The following HNF1B variants were observed in gnomAD, a reference collection of about 807,000 sequenced individuals.
The protein encoded by HNF1B is HNF1 homeobox B.
Under a neutral mutation model 61.7 loss-of-function variants are expected in HNF1B, and 8 were observed. That is an observed-to-expected ratio of 0.13 (90% CI 0.08 to 0.23). The LOEUF (loss-of-function observed/expected upper bound fraction) is 0.23, where lower values mean the gene tolerates loss of function less well. Ranked by LOEUF, HNF1B falls within the 10% of genes least tolerant of loss-of-function variation. HNF1B has a pLI of 1.00. For synonymous variants in HNF1B, 314 were observed against 287.7 expected (o/e 1.09, Z -0.93); for missense variants, 562 against 714.5 (o/e 0.79, Z 2.43).
At chr17:37,722,159 C>T (rs2033338678) in intron 4 of HNF1B, among the ~76,000 whole-genome samples, 1 of 152,152 alleles carries the variant, frequency 6.6e-6, no homozygotes, top group Non-Finnish European at 1.5e-5. Flanking sequence ...TTTCAAATGA[C>T]AAGCAGGGTT....
In HNF1B at chr17:37,721,583, AG is replaced by A. The variant is rs530936904; in HGVS notation, c.1045+10011del. On this transcript the variant is annotated intron_variant, in intron 4 of 8. Transcript: ENST00000617811. ...CTCTGATCTCCTGAATCCTAGTCCAAGGCCCCTCACCCCGGCTGCTTCTCTT... is the reference window on the plus strand; with the variant it reads ...CTCTGATCTCCTGAATCCTAGTCCAAGCCCCTCACCCCGGCTGCTTCTCTT... Among the ~76,000 whole-genome samples, 33 of 152,214 alleles carry A rather than the reference AG, an allele frequency of 2.2e-4. No individual in the cohort carries two copies. The South Asian group carries it at 6.0e-3, about 28-fold the overall frequency.
rs767974372 is a variant in HNF1B at position 37,710,614 on chromosome 17, T to C, written c.1095A>G (p.Thr365=). 6 of 1,614,122 alleles carry C rather than the reference T, an allele frequency of 3.7e-6. No homozygotes were observed. In the Admixed American group the frequency reaches 6.7e-5, roughly 18 times the overall value. Residue 365 remains threonine, a synonymous_variant, in exon 5 of 9, where the codon ACA becomes ACG. Transcript: ENST00000617811. ...TGGCGCTGTTGCCATGGTGACTGAT[T>C]GTTGAGGAGGAAGTGATCTCATTGT... ...QGNNEITSSS[T]ISHHGNSAMV... is the part of the protein sequence containing the mutation.
intron 8 of HNF1B, among the ~76,000 whole-genome samples, chr17:37,688,062 C>G (rs903313462): frequency 2.0e-5 from 3 of 152,174 alleles, no homozygotes; most frequent in Non-Finnish European, 4.4e-5. Flanking sequence ...CTTACTTTAG[C>G]ATAAGAAACT....
chr17:37,734,966 T>G (rs2033792690), intron 2 of HNF1B, among the ~76,000 whole-genome samples: 1 of 151,936 alleles, frequency 6.6e-6, no homozygotes, highest in Non-Finnish European at 1.5e-5. Flanking sequence ...TTTTTTGTAT[T>G]TTTAGTAGAG....
chr17:37,695,260 G>A (rs540352370), intron 8 of HNF1B, among the ~76,000 whole-genome samples: 1 of 152,354 alleles, frequency 6.6e-6, no homozygotes, highest in South Asian at 2.1e-4. Flanking sequence ...ACTCTAGAGG[G>A]TGCAGTCTGT....
intron 4 of HNF1B, among the ~76,000 whole-genome samples, chr17:37,724,428 G>A (rs74715846): frequency 0.035 from 5,302 of 152,150 alleles, 135 homozygotes; most frequent in Non-Finnish European, 0.054. Flanking sequence ...ATACTCCCTC[G>A]GGTGATTCTA....
chr17:37,697,492 AG>A (rs1425567340), intron 8 of HNF1B, among the ~76,000 whole-genome samples: 1 of 152,222 alleles, frequency 6.6e-6, no homozygotes, highest in African/African-American at 2.4e-5. Flanking sequence ...TCCTGAATTC[AG>A]ACGACTTGTT....
chr17:37,742,325 C>A (rs1186980549), intron 1 of HNF1B, among the ~76,000 whole-genome samples: 6 of 152,164 alleles, frequency 3.9e-5, no homozygotes, highest in Admixed American at 6.5e-5. Context: ...AGCCGGGGAC[C>A]GGGAAGCGCG....
intron 4 of HNF1B, among the ~76,000 whole-genome samples, chr17:37,723,091 G>A (rs1176179476): frequency 1.3e-5 from 2 of 152,088 alleles, no homozygotes; most frequent in East Asian, 1.9e-4. Context: ...TGTAATCCCA[G>A]CACTTTGGGA....
chr17:37,744,310 G>C (rs1286940220), intron 1 of HNF1B, among the ~76,000 whole-genome samples: 1 of 152,238 alleles, frequency 6.6e-6, no homozygotes, highest in Non-Finnish European at 1.5e-5. Context: ...AAAGCCCTTG[G>C]GTCTCGGACG....
chr17:37,735,982 C>G lies in HNF1B; in HGVS notation c.545-2161G>C, dbSNP rs138536107. On this transcript the variant is annotated intron_variant, in intron 2 of 8. Transcript: ENST00000617811. Reference sequence around the variant, plus strand: ...GTCTCGCTATGTTGCCCAAGCTGGTCTCAGACTCCTGGCCTCAAGCAGTCT... The same window carrying G: ...GTCTCGCTATGTTGCCCAAGCTGGTGTCAGACTCCTGGCCTCAAGCAGTCT... Among the ~76,000 whole-genome samples, 425 of 152,320 alleles carry G rather than the reference C, an allele frequency of 2.8e-3. 2 individuals are homozygous for G. Among genetic ancestry groups the G allele is most frequent in the African/African-American group, 9.4e-3 (389 of 41,566 alleles).
At position 37,744,508 on chromosome 17, in the gene HNF1B, G is replaced by A. The variant is rs748821585; in HGVS notation, c.344+33C>T. The A allele has an allele frequency of 5.0e-6, 8 of 1,593,152 alleles. No individual in the cohort carries two copies. In the Admixed American group the frequency reaches 6.7e-5, roughly 13 times the overall value. ...CCCGGGGCCGGGGCTCCAGGGGTTC[G>A]GGTGGGTCCCCTCCACCTCGCTCTG... On this transcript the variant is annotated intron_variant, in intron 1 of 8. Coordinates refer to ENST00000617811, the MANE Select transcript of HNF1B (RefSeq NM_000458.4).
rs780224831 is a variant in HNF1B at position 37,710,578 on chromosome 17, G to T, written c.1131C>A (p.Ser377Arg). Residue 377 changes from serine (S) to arginine (R), a missense_variant, in exon 5 of 9, where the codon AGC becomes AGA. Transcript: ENST00000617811. The stretch of plus-strand genomic sequence containing the variant: ...GGGAGACTTGCTGTAAAACCGACTG[G>T]CTGGTCACCATGGCGCTGTTGCCAT... ...SHHGNSAMVT[S>R]QSVLQQVSPA... 4 of 1,614,186 alleles carry T rather than the reference G, an allele frequency of 2.5e-6. No homozygotes were observed. The highest frequency in any genetic ancestry group is 3.4e-6 in the Non-Finnish European group (4 of 1,180,040).
At chr17:37,717,839 TTAA>T (rs1191788038) in intron 4 of HNF1B, among the ~76,000 whole-genome samples, 2 of 152,236 alleles carry the variant, frequency 1.3e-5, no homozygotes, top group Non-Finnish European at 2.9e-5. Context: ...CTAGTTCTTA[TTAA>T]TATTTCCTCC....
chr17:37,736,735 G>T (rs527609896), intron 2 of HNF1B, among the ~76,000 whole-genome samples: 1 of 152,316 alleles, frequency 6.6e-6, no homozygotes, highest in African/African-American at 2.4e-5. Flanking sequence ...TCTCTCACCT[G>T]CCCTTTGAGG....
At chr17:37,715,123 C>T (rs1386850321) in intron 4 of HNF1B, among the ~76,000 whole-genome samples, 1 of 152,210 alleles carries the variant, frequency 6.6e-6, no homozygotes, top group South Asian at 2.1e-4. Context: ...TTGATTCATC[C>T]TGGGAGATGG....
At chr17:37,737,561 C>G (rs2033867014) in intron 2 of HNF1B, among the ~76,000 whole-genome samples, 1 of 152,048 alleles carries the variant, frequency 6.6e-6, no homozygotes, top group Non-Finnish European at 1.5e-5. Context: ...GGTGCGGTGG[C>G]TCACCCCTGT....
intron 5 of HNF1B, among the ~76,000 whole-genome samples, chr17:37,707,769 C>CT (rs370273372): frequency 0.017 from 2,491 of 144,390 alleles, 31 homozygotes; most frequent in Admixed American, 0.038. Flanking sequence ...TGTTCTCTCT[C>CT]TTTTTTTTTT....
Position 37,731,609 on chromosome 17 carries a change from G to T in HNF1B, c.1031C>A (p.Pro344Gln). 6.2e-7 allele frequency: 1 copy of T among 1,612,814 alleles called. No homozygotes were observed. Among genetic ancestry groups the T allele is most frequent in the Non-Finnish European group, 8.5e-7 (1 of 1,179,366 alleles). Residue 344 changes from proline to glutamine, a missense_variant, in exon 4 of 9, where the codon CCA becomes CAA. By Grantham distance (76) the Pro-to-Gln change is moderately conservative. Transcript: ENST00000617811. ...SPHHQPSSSP[P>Q]NKLSGVRYSQ... ...CCTTTGCTTACCTGACAGCTTGTTT[G>T]GAGGAGAGGAGCTGGGCTGGTGGTG...
Sources: gnomAD v4.1 joint callset for allele counts (sites outside exome capture counted in the v4.1 genomes callset) on GRCh38, gnomAD v4.1.1 for gene constraint, MANE v1.5 for transcripts, NCBI Gene and HGNC (gene_info 2026-07-23, HGNC 2026-07-21) for gene names.